The following NR6A1 variants were observed in gnomAD, a reference collection of about 807,000 sequenced individuals.
NR6A1 encodes the protein nuclear receptor subfamily 6 group A member 1.
In NR6A1, 7 loss-of-function variants were observed where a neutral mutation model predicts 59.1. That is an observed-to-expected ratio of 0.12 (90% CI 0.07 to 0.22). NR6A1 has a LOEUF of 0.22. Ranked by LOEUF, NR6A1 falls within the 10% of genes least tolerant of loss-of-function variation. The pLI is 1.00. For missense variants in NR6A1, 468 were observed against 611.6 expected (o/e 0.77, Z 2.48); for synonymous variants, 243 against 236.1 (o/e 1.03, Z -0.27).
At chr9:124,582,275 T>C (rs891325734) in intron 2 of NR6A1, among the ~76,000 whole-genome samples, 2 of 152,124 alleles carry the variant, frequency 1.3e-5, no homozygotes, top group African/African-American at 4.8e-5. Flanking sequence ...AGGACACAGA[T>C]GAAGCTGGGG....
intron 2 of NR6A1, among the ~76,000 whole-genome samples, chr9:124,719,546 C>T (rs1162764862): frequency 6.6e-6 from 1 of 152,116 alleles, no homozygotes; most frequent in African/African-American, 2.4e-5. Context: ...CAAATGCCTA[C>T]AGAAGACTAG....
chr9:124,752,991 T>A (rs780555388), intron 1 of NR6A1, among the ~76,000 whole-genome samples: 64 of 152,174 alleles, frequency 4.2e-4, no homozygotes, highest in Non-Finnish European at 7.4e-4. Flanking sequence ...GTAAGGCCTG[T>A]GGGACTGGTT....
intron 2 of NR6A1, among the ~76,000 whole-genome samples, chr9:124,635,333 G>A (rs368604013): frequency 2.6e-5 from 4 of 152,240 alleles, no homozygotes; most frequent in East Asian, 1.9e-4. Flanking sequence ...TGTCAAGGGC[G>A]GGACCAGGTA....
chr9:124,606,664 T>C (rs533480196), intron 2 of NR6A1, among the ~76,000 whole-genome samples: 5 of 152,362 alleles, frequency 3.3e-5, no homozygotes, highest in Admixed American at 1.3e-4. Context: ...TTCAGGGTTA[T>C]TGATTAAATA....
At chr9:124,591,261 T>A (rs1414490739) in intron 2 of NR6A1, among the ~76,000 whole-genome samples, 2 of 152,236 alleles carry the variant, frequency 1.3e-5, no homozygotes, top group African/African-American at 4.8e-5. Flanking sequence ...ACATTAAGCA[T>A]GTTCTGGGCA....
chr9:124,573,101 G>C lies in NR6A1; in HGVS notation c.143-18531C>G, dbSNP rs74772026. 6.1e-3 allele frequency among the ~76,000 whole-genome samples: 929 copies of C among 152,246 alleles called. 4 individuals are homozygous for C. The highest frequency in any genetic ancestry group is 0.01 in the Non-Finnish European group (691 of 68,002). ...TTCTAATATCTTCACAGCGACAATG[G>C]GGTGGGAAAAAAGAAGGCTCACAGG... On this transcript the variant is annotated intron_variant, in intron 2 of 9. Transcript: ENST00000487099.
intron 2 of NR6A1, among the ~76,000 whole-genome samples, chr9:124,565,865 G>A (rs1052082915): frequency 1.3e-5 from 2 of 152,190 alleles, no homozygotes; most frequent in Admixed American, 1.3e-4. Flanking sequence ...TATATTGTTG[G>A]TAGGACTGTT....
rs1465372296 is a variant in NR6A1 at position 124,698,203 on chromosome 9, G to A, written c.142+35105C>T. The A allele has an allele frequency of 1.3e-5, 2 of 152,054 alleles. 1 individual carries two copies. Among genetic ancestry groups the A allele is most frequent in the South Asian group, 4.1e-4 (2 of 4,826 alleles). 9.4% of individuals were successfully genotyped at this position (152,054 alleles called of 1,614,324 possible). On this transcript the variant is annotated intron_variant, in intron 2 of 9. Transcript: ENST00000487099. ...AAACTATTTCAACAATTAAGAAAAAGTTAATTTTAAATCATGTCTTTCTAC... is the reference window on the plus strand; with the variant it reads ...AAACTATTTCAACAATTAAGAAAAAATTAATTTTAAATCATGTCTTTCTAC...
At chr9:124,691,754 T>A (rs1286338766) in intron 2 of NR6A1, among the ~76,000 whole-genome samples, 1 of 152,224 alleles carries the variant, frequency 6.6e-6, no homozygotes, top group East Asian at 1.9e-4. Flanking sequence ...CACTAACACC[T>A]CTGTGGTAAC....
At chr9:124,590,092 C>CAAAAAAAAAAAAAAAAAAA (rs1327869115) in intron 2 of NR6A1, among the ~76,000 whole-genome samples, 4 of 64,802 alleles carry the variant, frequency 6.2e-5, no homozygotes, top group African/African-American at 1.5e-4. Flanking sequence ...AAAAAAAAAG[C>CAAAAAAAAAAAAAAAAAAA]AAAGCTAGTC....
rs529570303 is a variant in NR6A1 at position 124,670,263 on chromosome 9, A to T, written c.142+63045T>A. On this transcript the variant is annotated intron_variant, in intron 2 of 9. Coordinates refer to ENST00000487099, the MANE Select transcript of NR6A1 (RefSeq NM_033334.4). ...AAAAATTAGCCAGCTGTGATGGCACATGCCTACCGTCCCAGCTACTTGAGA... is the reference window on the plus strand; with the variant it reads ...AAAAATTAGCCAGCTGTGATGGCACTTGCCTACCGTCCCAGCTACTTGAGA... Among the ~76,000 whole-genome samples, 4 of 152,132 alleles carry T rather than the reference A, an allele frequency of 2.6e-5. No individual in the cohort carries two copies. In the East Asian group the frequency reaches 7.7e-4, roughly 29 times the overall value.
intron 2 of NR6A1, among the ~76,000 whole-genome samples, chr9:124,585,631 T>C (rs1834908012): frequency 6.7e-6 from 1 of 148,704 alleles, no homozygotes; most frequent in African/African-American, 2.5e-5. Flanking sequence ...AGATCAACGA[T>C]GAAGGTGGCT....
At chr9:124,739,641 G>T (rs941818950) in intron 1 of NR6A1, among the ~76,000 whole-genome samples, 7 of 152,200 alleles carry the variant, frequency 4.6e-5, no homozygotes, top group African/African-American at 1.7e-4. Context: ...TTGACAAAAA[G>T]AAAATGATCA....
At chr9:124,737,133 G>A (rs774258797) in intron 1 of NR6A1, among the ~76,000 whole-genome samples, 5 of 152,124 alleles carry the variant, frequency 3.3e-5, no homozygotes, top group African/African-American at 4.8e-5. Flanking sequence ...TTGATGTGGT[G>A]ATTCCAGATG....
intron 1 of NR6A1, among the ~76,000 whole-genome samples, chr9:124,757,275 A>G (rs1284378025): frequency 6.6e-6 from 1 of 152,136 alleles, no homozygotes; most frequent in Admixed American, 6.5e-5. Flanking sequence ...AAGTACTATT[A>G]TAACACTGAA....
intron 1 of NR6A1, among the ~76,000 whole-genome samples, chr9:124,736,389 T>C (rs905733066): frequency 3.9e-5 from 6 of 152,216 alleles, no homozygotes; most frequent in Non-Finnish European, 8.8e-5. Context: ...TGGACATCTA[T>C]TGCTTTTATC....
intron 1 of NR6A1, among the ~76,000 whole-genome samples, chr9:124,737,949 A>C (rs897593200): frequency 6.6e-6 from 1 of 152,120 alleles, no homozygotes; most frequent in Non-Finnish European, 1.5e-5. Flanking sequence ...GTAAAACGCC[A>C]TCTCTACTAG....
At chr9:124,546,062 C>A (rs946833213) in intron 3 of NR6A1, among the ~76,000 whole-genome samples, 9 of 152,230 alleles carry the variant, frequency 5.9e-5, no homozygotes, top group Admixed American at 1.3e-4. Context: ...TTGCGGTGAA[C>A]TGAGATGGTG....
intron 2 of NR6A1, among the ~76,000 whole-genome samples, chr9:124,666,296 T>TTTTTTTTTTTA (rs1837613554): frequency 7.1e-6 from 1 of 141,844 alleles, no homozygotes; most frequent in African/African-American, 3.0e-5. Context: ...TTTTTTTTTT[T>TTTTTTTTTTTA]GAGACAGGGT....
Sources: allele counts gnomAD v4.1 joint callset (sites outside exome capture counted in the v4.1 genomes callset), GRCh38; gene constraint gnomAD v4.1.1; transcripts MANE v1.5; gene names NCBI Gene and HGNC (gene_info 2026-07-23, HGNC 2026-07-21).